PPP1R36: variants seen among roughly 807,000 people sequenced by gnomAD.
PPP1R36 encodes the protein protein phosphatase 1 regulatory subunit 36, also known as chromosome 14 open reading frame 50.
PPP1R36 carries 47 observed loss-of-function variants against 53.4 expected under a neutral mutation model. The observed-to-expected ratio is 0.88, with a 90% confidence interval of 0.70 to 1.12. The LOEUF (loss-of-function observed/expected upper bound fraction) is 1.12. Among genes scored for constraint, PPP1R36 ranks in the 50% most tolerant of loss-of-function variants. PPP1R36 has a pLI of 0.00. For missense variants in PPP1R36, 456 were observed against 513.9 expected, an observed-to-expected ratio of 0.89 and a Z score of 1.09; for synonymous variants, 153 against 170.5, an observed-to-expected ratio of 0.90 and a Z score of 0.80.
intron 10 of PPP1R36, among the ~76,000 whole-genome samples, 180 bp from the exon 11 acceptor site, chr14:64,587,924 G>A (rs1054603198): frequency 2.6e-5 from 4 of 152,016 alleles, no homozygotes; most frequent in African/African-American, 9.7e-5. Flanking sequence ...AAAATTTTTT[G>A]TAGAGACGGG....
At chr14:64,573,472 C>A in intron 7 of PPP1R36, among the ~76,000 whole-genome samples, 1 of 152,128 alleles carries the variant, frequency 6.6e-6, no homozygotes. Context: ...AGGTACGTAG[C>A]CTCCACGGTT....
At chr14:64,572,926 G>A (rs1440943977) in intron 7 of PPP1R36, among the ~76,000 whole-genome samples, 2 of 152,180 alleles carry the variant, frequency 1.3e-5, no homozygotes, top group Admixed American at 1.3e-4. Context: ...ATCTGGAGGG[G>A]TGTGTTTGGG....
intron 6 of PPP1R36, among the ~76,000 whole-genome samples, 189 bp downstream of exon 6, chr14:64,565,881 GA>G (rs2080249651): frequency 6.6e-6 from 1 of 152,184 alleles, no homozygotes; most frequent in African/African-American, 2.4e-5. Context: ...GAAGTCATGG[GA>G]ACCCCAGATA....
chr14:64,554,465 AACAGATAGTTCAAACCTATCTGTT>A (rs1011653848), intron 3 of PPP1R36, among the ~76,000 whole-genome samples: 13 of 148,764 alleles, frequency 8.7e-5, no homozygotes, highest in African/African-American at 3.4e-4. Flanking sequence ...CACAAATTTT[AACAGATAGTTCAAACCTATCTGTT>A]ACAGATAGTT....
At chr14:64,561,536 C>T (rs1365333500) in intron 3 of PPP1R36, among the ~76,000 whole-genome samples, 2 of 152,146 alleles carry the variant, frequency 1.3e-5, no homozygotes, top group Non-Finnish European at 2.9e-5. Flanking sequence ...CTAGCTCTGC[C>T]CCTGACTAGA....
In PPP1R36 at chr14:64,565,436, A is replaced by G; in HGVS notation, c.349A>G (p.Thr117Ala). The G allele has an allele frequency of 6.2e-7, 1 of 1,611,878 alleles. No individual in the cohort carries two copies. Among genetic ancestry groups the G allele is most frequent in the South Asian group, 1.1e-5 (1 of 90,952 alleles). ...GAAACGAGGTCAACAGGGCACCATT[A>G]CACTGGATGATGTTAAATGTGAGTA... ...VEKRGQQGTI[T>A]LDDVKFVTLL... The change falls in exon 5 of 12, where the codon ACA becomes GCA. Residue 117 changes from threonine to alanine, a missense_variant. By Grantham distance (58) the Thr-to-Ala change is moderately conservative. Coordinates refer to ENST00000298705, the MANE Select transcript of PPP1R36 (RefSeq NM_172365.3).
intron 3 of PPP1R36, among the ~76,000 whole-genome samples, chr14:64,556,127 A>ATT (rs35877479): frequency 0.017 from 2,144 of 125,330 alleles, 39 homozygotes; most frequent in Non-Finnish European, 0.022. Context: ...TTGTAGATTG[A>ATT]TTTTTTTTTT....
chr14:64,561,710 G>C (rs2080206759), intron 3 of PPP1R36: 1 of 451,402 alleles, frequency 2.2e-6, no homozygotes, highest in Non-Finnish European at 4.4e-6. Flanking sequence ...TTACTCACAG[G>C]CATCATCTAG....
chr14:64,589,246 C>G lies in PPP1R36; in HGVS notation c.1177C>G (p.Pro393Ala), dbSNP rs761988587. The change falls in exon 12 of 12, where the codon CCT becomes GCT. Residue 393 changes from proline (P) to alanine (A), a missense_variant. Pro to Ala is a conservative substitution (Grantham distance 27). Coordinates refer to ENST00000298705, the MANE Select transcript of PPP1R36 (RefSeq NM_172365.3). ...AAACACAAAATCATTTGGGAGATAT[C>G]CTTCCTTGATGGAAAACAATAACAT... The part of the protein sequence containing the change: ...EENTKSFGRY[P>A]SLMENNNMRI... 3 of 1,613,728 alleles carry G rather than the reference C, an allele frequency of 1.9e-6. No individual in the cohort carries two copies. Among genetic ancestry groups the G allele is most frequent in the Admixed American group, 3.3e-5 (2 of 60,018 alleles).
intron 6 of PPP1R36, among the ~76,000 whole-genome samples, chr14:64,567,716 C>T (rs1039506163): frequency 6.6e-6 from 1 of 151,984 alleles, no homozygotes; most frequent in Non-Finnish European, 1.5e-5. Context: ...GGCTGGAGTG[C>T]AGTGGCACAA....
chr14:64,582,073 G>A (rs2140246868), intron 8 of PPP1R36, among the ~76,000 whole-genome samples: 2 of 152,268 alleles, frequency 1.3e-5, no homozygotes, highest in South Asian at 4.1e-4. Context: ...CGGTGGGGCT[G>A]ACGGGGAAAA....
At chr14:64,561,534 G>T (rs774095143) in intron 3 of PPP1R36, among the ~76,000 whole-genome samples, 2 of 152,200 alleles carry the variant, frequency 1.3e-5, no homozygotes, top group Non-Finnish European at 2.9e-5. Context: ...TCCTAGCTCT[G>T]CCCCTGACTA....
chr14:64,578,968 A>C (rs189810756), intron 8 of PPP1R36, among the ~76,000 whole-genome samples: 145 of 152,366 alleles, frequency 9.5e-4, no homozygotes, highest in South Asian at 2.5e-3. Context: ...GAACATGGAT[A>C]GAGCTGGAGG....
chr14:64,551,566 A>G (rs2080093959), intron 2 of PPP1R36: 2 of 456,196 alleles, frequency 4.4e-6, no homozygotes, highest in Non-Finnish European at 8.8e-6. Context: ...TGTGTGCCAG[A>G]TATTTGCATA....
intron 7 of PPP1R36, among the ~76,000 whole-genome samples, chr14:64,568,756 AAT>A (rs1320249258): frequency 6.6e-6 from 1 of 152,250 alleles, no homozygotes; most frequent in Non-Finnish European, 1.5e-5. Context: ...AATTAATTTT[AAT>A]AGTGTCTTTT....
At chr14:64,586,558 C>T (rs760157301) in intron 8 of PPP1R36, 143 of 290,190 alleles carry the variant, frequency 4.9e-4, no homozygotes, top group Middle Eastern at 1.9e-3. Flanking sequence ...ACTCAAATTA[C>T]CAGAAGCCTT....
chr14:64,560,993 A>G (rs2080201398), intron 3 of PPP1R36, among the ~76,000 whole-genome samples: 1 of 152,244 alleles, frequency 6.6e-6, no homozygotes, highest in Admixed American at 6.5e-5. Context: ...CATGCCTCAG[A>G]AAAGGAGCTT....
At chr14:64,569,442 C>T (rs557382375) in intron 7 of PPP1R36, among the ~76,000 whole-genome samples, 1 of 152,094 alleles carries the variant, frequency 6.6e-6, no homozygotes, top group Non-Finnish European at 1.5e-5. Context: ...TTGTAAAGAA[C>T]CAAATAAATA....
intron 8 of PPP1R36, among the ~76,000 whole-genome samples, chr14:64,577,580 C>T (rs1333748409): frequency 6.6e-6 from 1 of 152,070 alleles, no homozygotes; most frequent in Non-Finnish European, 1.5e-5. Flanking sequence ...CCAGTTCTCT[C>T]CTCATTTTCT....
Sources: gnomAD v4.1 joint callset for allele counts (sites outside exome capture counted in the v4.1 genomes callset) on GRCh38, gnomAD v4.1.1 for gene constraint, MANE v1.5 for transcripts, NCBI Gene and HGNC (gene_info 2026-07-23, HGNC 2026-07-21) for gene names.